The following CELF6 variants were observed in gnomAD, a reference collection of about 807,000 sequenced individuals.
The protein encoded by CELF6 is CUGBP Elav-like family member 6, also known as Bruno -like 6, RNA binding protein.
A neutral mutation model predicts 53.1 loss-of-function variants in CELF6; 32 were observed. The observed-to-expected ratio is 0.60, with a 90% CI of 0.46 to 0.81. CELF6 has a LOEUF of 0.81. CELF6 is among the 30% of genes least tolerant of loss of function. CELF6 has a pLI of 0.00. For synonymous variants in CELF6, 291 were observed against 288.8 expected, an observed-to-expected ratio of 1.01 and a Z score of -0.08; for missense variants, 539 against 669.5, an observed-to-expected ratio of 0.81 and a Z score of 2.15.
In CELF6 at chr15:72,306,244, T is replaced by TG. The variant is rs1208987521; in HGVS notation, c.346-1451dup. 1.2e-5 allele frequency: 12 copies of TG among 984,758 alleles called. No individual in the cohort carries two copies. In the South Asian group the frequency reaches 4.2e-4, roughly 35 times the overall value. The allele number at this position is 984,758 out of a possible 1,614,324, so 61.0% of individuals were successfully genotyped here. On this transcript the variant is annotated intron_variant, in intron 2 of 12. Transcript: ENST00000287202. Reference sequence around the variant, plus strand: ...TGCGTGGGAGGTGAGGAATTATTGTTGGGGGGCAGGCAGCTGAGTGCCAGG... The same window carrying TG: ...TGCGTGGGAGGTGAGGAATTATTGTTGGGGGGGCAGGCAGCTGAGTGCCAGG...
chr15:72,294,405 G>A (rs563359578), intron 3 of CELF6, among the ~76,000 whole-genome samples: 32 of 152,236 alleles, frequency 2.1e-4, no homozygotes, highest in African/African-American at 7.5e-4. Context: ...AGTCTTGCTG[G>A]TGGCAGTAAT....
intron 2 of CELF6, among the ~76,000 whole-genome samples, chr15:72,311,811 C>T (rs1162883876): frequency 6.6e-6 from 1 of 152,210 alleles, no homozygotes; most frequent in Non-Finnish European, 1.5e-5. Context: ...AGGCACTCCC[C>T]AACCCTGGGA....
At chr15:72,303,398 A>G (rs1486549040) in intron 3 of CELF6, among the ~76,000 whole-genome samples, 1 of 152,248 alleles carries the variant, frequency 6.6e-6, no homozygotes, top group Admixed American at 6.5e-5. Flanking sequence ...CCAGAAATCA[A>G]GAATCAGAGA....
chr15:72,290,429 A>C (rs1041794274), intron 3 of CELF6, among the ~76,000 whole-genome samples, 174 bp from the exon 4 acceptor site: 27 of 152,082 alleles, frequency 1.8e-4, no homozygotes, highest in Admixed American at 1.0e-3. Context: ...TGGGGAAGGG[A>C]TCTGGAGAAG....
At position 72,295,047 on chromosome 15, in the gene CELF6, T is replaced by G. The variant is rs2088059723; in HGVS notation, c.395-4792A>C. Among the ~76,000 whole-genome samples the G allele has an allele frequency of 2.1e-5, 3 of 140,360 alleles. No homozygotes were observed. In the Admixed American group the frequency reaches 2.2e-4, roughly 11 times the overall value. 92.1% of individuals were successfully genotyped at this position (140,360 alleles called of 152,430 possible). A position where few individuals can be genotyped will look rare whatever the true frequency, so the allele number is the denominator to read the frequency against. On this transcript the variant is annotated intron_variant, in intron 3 of 12. Coordinates refer to ENST00000287202, the MANE Select transcript of CELF6 (RefSeq NM_052840.5). ...AATAGCATCGAAAAGAATAAAACACTTGGAGGCCGGGCATGGTGGCTCACG... is the reference window on the plus strand; with the variant it reads ...AATAGCATCGAAAAGAATAAAACACGTGGAGGCCGGGCATGGTGGCTCACG...
chr15:72,308,133 A>G (rs907200618), intron 2 of CELF6, among the ~76,000 whole-genome samples: 1 of 152,224 alleles, frequency 6.6e-6, no homozygotes, highest in Admixed American at 6.5e-5. Flanking sequence ...ACACTAGTGA[A>G]GAGGGAATCA....
In CELF6 at chr15:72,319,993, G is replaced by C. The variant is rs976908389; in HGVS notation, c.-119C>G. 1 of 1,174,610 alleles carries C rather than the reference G, an allele frequency of 8.5e-7. No individual in the cohort carries two copies. The highest frequency in any genetic ancestry group is 3.0e-5 in the East Asian group (1 of 33,488). The allele number at this position is 1,174,610 out of a possible 1,614,324, so 72.8% of individuals were successfully genotyped here. On this transcript the variant is annotated 5_prime_UTR_variant, in exon 1 of 13. Coordinates refer to ENST00000287202, the MANE Select transcript of CELF6 (RefSeq NM_052840.5). This position sits in a 1 kb window ranked among gnomAD's most constrained non-coding sequence, Gnocchi z 5.0. ...GCGGAGCCCGGGCGGAGAGGGCGGG[G>C]GGCTGCCCAGGGGGCGGGGTCCGGG...
intron 3 of CELF6, among the ~76,000 whole-genome samples, chr15:72,297,396 G>A (rs2088095013): frequency 6.6e-6 from 1 of 152,138 alleles, no homozygotes; most frequent in Non-Finnish European, 1.5e-5. Context: ...ATAATGCAAT[G>A]TTTGTCTTTC....
chr15:72,290,393 G>A, intron 3 of CELF6, 138 bp from the exon 4 acceptor site: 1 of 1,076,364 alleles, frequency 9.3e-7, no homozygotes, highest in Non-Finnish European at 1.3e-6. Context: ...GGCTTCCAGG[G>A]TTGGTTTTCA....
intron 1 of CELF6, among the ~76,000 whole-genome samples, chr15:72,317,225 G>C (rs1479826397): frequency 6.6e-6 from 1 of 152,160 alleles, no homozygotes; most frequent in Non-Finnish European, 1.5e-5. Flanking sequence ...AAGCAGATCT[G>C]TGAGATGATA....
At position 72,288,842 on chromosome 15, in the gene CELF6, C is replaced by G. The variant is rs1225472654; in HGVS notation, c.1093+26G>C. ...TCTTTCTAGGGCCCTTCAACCTCCCCCAGGCCGCGTAGCGCCAAGTGAAAC... is the reference window on the plus strand; with the variant it reads ...TCTTTCTAGGGCCCTTCAACCTCCCGCAGGCCGCGTAGCGCCAAGTGAAAC... On this transcript the variant is annotated intron_variant, in intron 9 of 12. Coordinates refer to ENST00000287202, the MANE Select transcript of CELF6 (RefSeq NM_052840.5). This position sits in a 1 kb window ranked among gnomAD's most constrained non-coding sequence, Gnocchi z 4.6. 8 of 1,548,664 alleles carry G rather than the reference C, an allele frequency of 5.2e-6. No individual in the cohort carries two copies. Among genetic ancestry groups the G allele is most frequent in the Admixed American group, 2.0e-5 (1 of 51,004 alleles).
chr15:72,301,578 G>A (rs1005817023), intron 3 of CELF6, among the ~76,000 whole-genome samples: 3 of 152,106 alleles, frequency 2.0e-5, no homozygotes, highest in Admixed American at 6.5e-5. Context: ...GCTTACTGGC[G>A]TAAATATATC....
At chr15:72,290,873 G>T (rs1051660889) in intron 3 of CELF6, among the ~76,000 whole-genome samples, 1 of 152,096 alleles carries the variant, frequency 6.6e-6, no homozygotes, top group African/African-American at 2.4e-5. Context: ...ATCCAACCTG[G>T]ATGCCCCTCC....
chr15:72,318,595 T>C (rs569105953), intron 1 of CELF6, among the ~76,000 whole-genome samples: 2 of 152,310 alleles, frequency 1.3e-5, no homozygotes, highest in South Asian at 4.1e-4. Flanking sequence ...CAGACTTTTC[T>C]GCATGTAAAC....
intron 3 of CELF6, among the ~76,000 whole-genome samples, chr15:72,293,385 G>T (rs1053513037): frequency 1.3e-5 from 2 of 152,186 alleles, no homozygotes; most frequent in South Asian, 4.1e-4. Context: ...TGCCTCCAAA[G>T]AGAGATGATG....
intron 3 of CELF6, among the ~76,000 whole-genome samples, chr15:72,300,550 T>C (rs1166646602): frequency 6.6e-6 from 1 of 152,082 alleles, no homozygotes; most frequent in Non-Finnish European, 1.5e-5. Context: ...GTAAAAAAGC[T>C]AGGTTGGGCG....
chr15:72,311,215 G>A (rs2088290141), intron 2 of CELF6, among the ~76,000 whole-genome samples: 1 of 151,450 alleles, frequency 6.6e-6, no homozygotes, highest in Non-Finnish European at 1.5e-5. Flanking sequence ...TGGCCAGGCT[G>A]GTCTCAAACT....
chr15:72,317,833 C>G (rs1184843405), intron 1 of CELF6, among the ~76,000 whole-genome samples: 1 of 152,146 alleles, frequency 6.6e-6, no homozygotes, highest in Non-Finnish European at 1.5e-5. Flanking sequence ...GCTCAGGGGC[C>G]CAGTTGCTGC....
intron 2 of CELF6, 22 bp from the exon 3 acceptor site, chr15:72,304,816 C>T (rs1269548956): frequency 6.2e-7 from 1 of 1,613,972 alleles, no homozygotes; most frequent in African/African-American, 1.3e-5. Flanking sequence ...CGGACCAACA[C>T]ACCCATTCAG....
Sources: allele counts gnomAD v4.1 joint callset (sites outside exome capture counted in the v4.1 genomes callset), GRCh38; gene constraint gnomAD v4.1.1; non-coding constraint Gnocchi (gnomAD v3.1); transcripts MANE v1.5; gene names NCBI Gene and HGNC (gene_info 2026-07-23, HGNC 2026-07-21).